Variants in PCDHGA6 observed in about 807,000 individuals in gnomAD.
The protein encoded by PCDHGA6 is protocadherin gamma subfamily A, 6.
Under a neutral mutation model 60.6 loss-of-function variants are expected in PCDHGA6, and 41 were observed. The ratio of observed to expected loss-of-function variants is 0.68; its 90% confidence interval spans 0.53 to 0.88. PCDHGA6 has a LOEUF of 0.88. Among genes scored for constraint, PCDHGA6 ranks in the 40% least tolerant of loss-of-function variants. PCDHGA6 has a pLI of 0.00. For synonymous variants in PCDHGA6, 594 were observed against 524.4 expected (o/e 1.13, Z -1.81); for missense variants, 1,312 against 1,203.0 (o/e 1.09, Z -1.34).
At position 141,376,156 on chromosome 5, in the gene PCDHGA6, G is replaced by C; in HGVS notation, c.2073G>C (p.Leu691=). ...AACCCAACGATTCGGACCTCACTCT[G>C]TACCTGGTGGTGGCGGTGGCCGCGG... ...SAKPNDSDLT[L]YLVVAVAAVS... Residue 691 remains leucine, a synonymous_variant, in exon 1 of 4, where the codon CTG becomes CTC. Coordinates refer to ENST00000517434, the MANE Select transcript of PCDHGA6 (RefSeq NM_018919.3). 2 of 1,614,074 alleles carry C rather than the reference G, an allele frequency of 1.2e-6. No homozygotes were observed. Among genetic ancestry groups the C allele is most frequent in the South Asian group, 1.1e-5 (1 of 91,070 alleles).
At chr5:141,492,512 T>A (rs2099741406) in intron 1 of PCDHGA6, among the ~76,000 whole-genome samples, 1 of 152,116 alleles carries the variant, frequency 6.6e-6, no homozygotes, top group Admixed American at 6.5e-5. Flanking sequence ...GAGCCTCCTC[T>A]CACCTCTCCC....
At chr5:141,454,666 A>G (rs1561955978) in intron 1 of PCDHGA6, among the ~76,000 whole-genome samples, 1 of 152,104 alleles carries the variant, frequency 6.6e-6, no homozygotes, top group Non-Finnish European at 1.5e-5. Context: ...TCGGCCTCCC[A>G]AAACACTGGG....
At chr5:141,385,250 G>A (rs1448897004) in intron 1 of PCDHGA6, 2 of 1,613,820 alleles carry the variant, frequency 1.2e-6, no homozygotes, top group Admixed American at 1.7e-5. Flanking sequence ...AGCCAGGAGA[G>A]CTGTGAGAAA....
At chr5:141,389,449 A>C in intron 1 of PCDHGA6, 2 of 1,610,538 alleles carry the variant, frequency 1.2e-6, no homozygotes, top group Non-Finnish European at 1.7e-6. Context: ...GACCACGAGC[A>C]GCTGCGCGCC....
At chr5:141,424,956 T>A (rs1435882776) in intron 1 of PCDHGA6, among the ~76,000 whole-genome samples, 1 of 152,176 alleles carries the variant, frequency 6.6e-6, no homozygotes, top group African/African-American at 2.4e-5. Context: ...TTCTAGGTAT[T>A]TGCCCCAAAT....
intron 1 of PCDHGA6, chr5:141,393,452 G>A (rs189963623): frequency 6.2e-7 from 1 of 1,614,030 alleles, no homozygotes; most frequent in Non-Finnish European, 8.5e-7. Context: ...TGGTCCTCAC[G>A]GCCTCGGATG....
chr5:141,387,471 T>C (rs1321289050), intron 1 of PCDHGA6, among the ~76,000 whole-genome samples: 3 of 152,232 alleles, frequency 2.0e-5, no homozygotes, highest in East Asian at 1.9e-4. Flanking sequence ...ATCCTCAAAG[T>C]TGGGATGAAG....
At chr5:141,414,681 G>T (rs780836649) in intron 1 of PCDHGA6, 2 of 1,613,836 alleles carry the variant, frequency 1.2e-6, no homozygotes, top group Non-Finnish European at 8.5e-7. Flanking sequence ...CCATCCAGGG[G>T]GTACCTCTGT....
rs775153131 is a variant in PCDHGA6 at position 141,375,569 on chromosome 5, C to A, written c.1486C>A (p.Leu496Ile). 2 of 1,613,970 alleles carry A rather than the reference C, an allele frequency of 1.2e-6. No homozygotes were observed. The highest frequency in any genetic ancestry group is 2.2e-5 in the East Asian group (1 of 44,884). The change falls in exon 1 of 4, where the codon CTC becomes ATC. Residue 496 changes from leucine to isoleucine, a missense_variant. Leu to Ile is a conservative substitution (Grantham distance 5, BLOSUM62 2). Coordinates refer to ENST00000517434, the MANE Select transcript of PCDHGA6 (RefSeq NM_018919.3). Reference protein sequence around the residue: ...QVSYSLAEDTLQGAPLSSYVS... With the variant: ...QVSYSLAEDTIQGAPLSSYVS... ...CTCCTACTCACTGGCAGAAGACACC[C>A]TCCAGGGGGCGCCCCTGTCCTCCTA...
At chr5:141,449,538 G>A (rs1445815017) in intron 1 of PCDHGA6, among the ~76,000 whole-genome samples, 15 of 145,960 alleles carry the variant, frequency 1.0e-4, no homozygotes, top group East Asian at 4.0e-4. Flanking sequence ...GCAGTGAGCC[G>A]AGATCGCACC....
chr5:141,390,186 A>G (rs760464699), intron 1 of PCDHGA6: 1 of 1,614,048 alleles, frequency 6.2e-7, no homozygotes, highest in East Asian at 2.2e-5. Flanking sequence ...CCTAAAATGT[A>G]GTGAGCAGTT....
chr5:141,476,366 G>T lies in PCDHGA6; in HGVS notation c.2425-18441G>T, dbSNP rs1025903110. The T allele has an allele frequency of 6.2e-7, 1 of 1,614,026 alleles. No individual in the cohort carries two copies. The highest frequency in any genetic ancestry group is 8.5e-7 in the Non-Finnish European group (1 of 1,180,028). On this transcript the variant is annotated intron_variant, in intron 1 of 3. Coordinates refer to ENST00000517434, the MANE Select transcript of PCDHGA6 (RefSeq NM_018919.3). The surrounding 1 kb of genome is among the most constrained non-coding windows in gnomAD (Gnocchi z 7.6). The stretch of plus-strand genomic sequence containing the variant: ...ATTCTTTGAGGTGAACCGGGAGACC[G>T]GAGAGATGTTTGTGAACGACCGTCT...
Position 141,398,413 on chromosome 5 carries a change from T to C in PCDHGA6, c.2424+21906T>C, listed in dbSNP as rs774602022. On this transcript the variant is annotated intron_variant, in intron 1 of 3. Transcript: ENST00000517434. ...CAGCAGGCTAGACAGGGAGGAGATA[T>C]GCGGGAAGAAGCCAGCTTGTGCTCT... 7.0e-5 allele frequency: 104 copies of C among 1,490,692 alleles called. 1 individual carries two copies. Among genetic ancestry groups the C allele is most frequent in the Middle Eastern group, 6.1e-4 (3 of 4,950 alleles). The allele number at this position is 1,490,692 out of a possible 1,614,324, so 92.3% of individuals were successfully genotyped here.
chr5:141,374,331 GC>G lies in PCDHGA6; in HGVS notation c.249del (p.Leu84TrpfsTer7), dbSNP rs1334948062. On this transcript the variant is annotated frameshift_variant, in exon 1 of 4. Transcript: ENST00000517434. LOFTEE classifies it high-confidence loss of function. Reference sequence around the variant, plus strand: ...TTCTCTCTGAATCCGCGAAACGGCAGCTTGGTCACCGCGGGTAGGATAGACC... The same window carrying G: ...TTCTCTCTGAATCCGCGAAACGGCAGTTGGTCACCGCGGGTAGGATAGACC... ...QLFSLNPRNGSLVTAGRIDRE... is the reference protein window; with the variant it reads ...QLFSLNPRNGXLVTAGRIDRE... 1.2e-6 allele frequency: 2 copies of G among 1,614,024 alleles called. No individual in the cohort carries two copies. The highest frequency in any genetic ancestry group is 3.3e-5 in the Admixed American group (2 of 60,036).
In PCDHGA6 at chr5:141,415,024, G is replaced by A. The variant is rs1272655664; in HGVS notation, c.2424+38517G>A. On this transcript the variant is annotated intron_variant, in intron 1 of 3. Coordinates refer to ENST00000517434, the MANE Select transcript of PCDHGA6 (RefSeq NM_018919.3). ...GTCCTACCGTCTGCTCAAGGCCAGC[G>A]AGCCGGGACTCTTCGCGGTGGGGGA... 4.3e-6 allele frequency: 7 copies of A among 1,613,450 alleles called. 1 individual carries two copies. The highest frequency in any genetic ancestry group is 3.3e-5 in the Admixed American group (2 of 60,002).
chr5:141,485,226 T>C lies in PCDHGA6; in HGVS notation c.2425-9581T>C. ...GAAATCTGGCGGTGGGCTACCCTTT[T>C]GTTCCTCTTTTACCACCTGGGTTAC... On this transcript the variant is annotated intron_variant, in intron 1 of 3. Transcript: ENST00000517434. The surrounding 1 kb of genome is among the most constrained non-coding windows in gnomAD (Gnocchi z 5.7). 1.9e-6 allele frequency: 3 copies of C among 1,614,170 alleles called. No homozygotes were observed. Among genetic ancestry groups the C allele is most frequent in the Non-Finnish European group, 2.5e-6 (3 of 1,180,026 alleles).
chr5:141,376,364 G>T lies in PCDHGA6; in HGVS notation c.2281G>T (p.Ala761Ser). The change falls in exon 1 of 4, where the codon GCA (alanine) becomes TCA (serine). Residue 761 changes from alanine (A) to serine (S), a missense_variant. Transcript: ENST00000517434. ...QTYSHEVSLT[A>S]DSRKSHLIFP... ...CTATTCCCACGAGGTCTCACTCACT[G>T]CAGACTCGCGTAAGAGTCATCTGAT... The T allele has an allele frequency of 6.2e-7, 1 of 1,614,202 alleles. No individual in the cohort carries two copies. The highest frequency in any genetic ancestry group is 8.5e-7 in the Non-Finnish European group (1 of 1,180,038).
At chr5:141,418,050 G>T in intron 1 of PCDHGA6, 1 of 1,613,576 alleles carries the variant, frequency 6.2e-7, no homozygotes, top group Non-Finnish European at 8.5e-7. Context: ...GTGTCGGCTC[G>T]CGAGCTGCGA....
intron 1 of PCDHGA6, chr5:141,382,970 G>A (rs776231859): frequency 1.9e-6 from 3 of 1,609,444 alleles, no homozygotes; most frequent in Non-Finnish European, 2.5e-6. Context: ...GGGACCCCCT[G>A]GGAAGCCTGG....
Sources: allele counts gnomAD v4.1 joint callset (sites outside exome capture counted in the v4.1 genomes callset), GRCh38; gene constraint gnomAD v4.1.1; non-coding constraint Gnocchi (gnomAD v3.1); transcripts MANE v1.5; gene names NCBI Gene and HGNC (gene_info 2026-07-23, HGNC 2026-07-21).